Variants in APOL5 observed in about 807,000 individuals in gnomAD.
APOL5 encodes apolipoprotein L, 5.
Under a neutral mutation model 35.5 loss-of-function variants are expected in APOL5, and 29 were observed. The ratio of observed to expected loss-of-function variants is 0.82; its 90% CI spans 0.61 to 1.11. The LOEUF (loss-of-function observed/expected upper bound fraction) is 1.11. Among genes scored for constraint, APOL5 ranks in the 50% most tolerant of loss-of-function variants. The pLI, the probability that APOL5 is intolerant of heterozygous loss-of-function variation, is 0.00. For synonymous variants in APOL5, 188 were observed against 200.2 expected (o/e 0.94, Z 0.51); for missense variants, 514 against 530.4 (o/e 0.97, Z 0.30).
chr22:35,720,349 A>G (rs1926923067), intron 1 of APOL5, among the ~76,000 whole-genome samples: 1 of 152,230 alleles, frequency 6.6e-6, no homozygotes, highest in African/African-American at 2.4e-5. Context: ...GTTTTATTGC[A>G]TCCTAGTCAA....
At chr22:35,712,655 A>AT in the APOL5 span, among the ~76,000 whole-genome samples, 1 of 151,936 alleles carries the variant, frequency 6.6e-6, no homozygotes, top group African/African-American at 2.4e-5. Context: ...TTTGTTATTA[A>AT]TTTTTTTTGT....
chr22:35,717,235 A>AAAAAAAAAAATATATATATAT, upstream of APOL5, among the ~76,000 whole-genome samples: 2 of 57,662 alleles, frequency 3.5e-5, no homozygotes, highest in Non-Finnish European at 6.2e-5. Context: ...AAAAAAAAAA[A>AAAAAAAAAAATATATATATAT]ATATATATAT....
upstream of APOL5, among the ~76,000 whole-genome samples, chr22:35,715,799 A>T (rs1049876501): frequency 6.6e-6 from 1 of 152,220 alleles, no homozygotes; most frequent in African/African-American, 2.4e-5. Flanking sequence ...TCTGCCTTCA[A>T]GGTGAAGCTC....
At chr22:35,716,648 G>C (rs1401660260), upstream of APOL5, among the ~76,000 whole-genome samples, 1 of 152,114 alleles carries the variant, frequency 6.6e-6, no homozygotes, top group East Asian at 1.9e-4. Context: ...AAAGTATTTT[G>C]TCACCCTAGC....
chr22:35,717,754 G>GAAA (rs1435096149), upstream of APOL5: 37 of 346,370 alleles, frequency 1.1e-4, 2 homozygotes, highest in Admixed American at 4.0e-4. Context: ...AAAAAAAAAA[G>GAAA]AAAGAAAAGA....
At chr22:35,710,113 CTTTTTTTT>C in the APOL5 span, among the ~76,000 whole-genome samples, 10 of 86,712 alleles carry the variant, frequency 1.2e-4, no homozygotes, top group East Asian at 6.0e-4. Context: ...CTTTCTTTCT[CTTTTTTTT>C]TTTTTTTTTT....
chr22:35,728,688 G>A (rs779506754), intron 3 of APOL5, 35 bp from the exon 4 acceptor site: 3 of 1,594,814 alleles, frequency 1.9e-6, no homozygotes, highest in African/African-American at 2.7e-5. Flanking sequence ...TCTCTTTCTT[G>A]GAAGTTGTAA....
chr22:35,721,226 A>G (rs1452725093), intron 2 of APOL5, among the ~76,000 whole-genome samples: 5 of 152,232 alleles, frequency 3.3e-5, no homozygotes, highest in African/African-American at 9.6e-5. Flanking sequence ...CGCATAAAAA[A>G]TATCTTAGTA....
chr22:35,720,758 G>A, intron 2 of APOL5, 104 bp downstream of exon 2: 1 of 838,098 alleles, frequency 1.2e-6, no homozygotes, highest in Non-Finnish European at 1.9e-6. Context: ...GTTTTGTTTT[G>A]TTTTGAGACA....
chr22:35,713,152 C>T (rs907770957), upstream of APOL5, among the ~76,000 whole-genome samples: 8 of 152,246 alleles, frequency 5.3e-5, no homozygotes, highest in South Asian at 2.1e-4. Flanking sequence ...CAAAGCCCTG[C>T]TCATTCCCAT....
chr22:35,716,430 G>A (rs113900883), upstream of APOL5, among the ~76,000 whole-genome samples: 8,969 of 152,068 alleles, frequency 0.059, 955 homozygotes, highest in African/African-American at 0.21. Context: ...CCACCACCAC[G>A]CCTGGCTAAT....
intron 1 of APOL5, among the ~76,000 whole-genome samples, chr22:35,720,066 CG>C (rs1446955274): frequency 6.6e-6 from 1 of 152,190 alleles, no homozygotes; most frequent in East Asian, 1.9e-4. Flanking sequence ...GTGTTCCTCT[CG>C]ATGTCCAGCT....
chr22:35,722,446 G>C (rs1020420091), intron 2 of APOL5, among the ~76,000 whole-genome samples: 1 of 152,120 alleles, frequency 6.6e-6, no homozygotes, highest in Non-Finnish European at 1.5e-5. Context: ...GGGACTACAG[G>C]TGCCCGCCAC....
At chr22:35,717,250 A>ATATG (rs1410058834), upstream of APOL5, among the ~76,000 whole-genome samples, 2 of 134,276 alleles carry the variant, frequency 1.5e-5, no homozygotes, top group Non-Finnish European at 3.2e-5. Context: ...ATATATATAT[A>ATATG]TATATTAGCT....
chr22:35,722,043 A>C (rs1220020881), intron 2 of APOL5, among the ~76,000 whole-genome samples: 2 of 151,552 alleles, frequency 1.3e-5, no homozygotes. Context: ...TCTCTCTCCC[A>C]CCTCCACTGT....
chr22:35,721,036 G>A lies in APOL5; in HGVS notation c.142+382G>A, dbSNP rs191392031. ...GCTGGGATTAGAGGTGTGAGCCACC[G>A]TGCCCAGCTGTCAATAAGTATTTGA... is the stretch of plus-strand genomic sequence containing the variant. On this transcript the variant is annotated intron_variant, in intron 2 of 4. Transcript: ENST00000249044. Among the ~76,000 whole-genome samples the A allele has an allele frequency of 3.8e-3, 577 of 151,860 alleles. 2 individuals are homozygous for A. Among genetic ancestry groups the A allele is most frequent in the African/African-American group, 0.013 (557 of 41,440 alleles).
the APOL5 span, among the ~76,000 whole-genome samples, chr22:35,712,715 T>C: frequency 6.6e-6 from 1 of 152,220 alleles, no homozygotes; most frequent in Non-Finnish European, 1.5e-5. Context: ...CAGCTATTTA[T>C]GGAAAATTAA....
At chr22:35,727,288 T>G in intron 3 of APOL5, 94 bp downstream of exon 3, 6 of 1,497,126 alleles carry the variant, frequency 4.0e-6, no homozygotes, top group Non-Finnish European at 5.3e-6. Flanking sequence ...GACACATCAG[T>G]GCATAACTAC....
Position 35,726,781 on chromosome 22 carries a change from A to G in APOL5, c.713A>G (p.Gln238Arg). 1 of 1,614,246 alleles carries G rather than the reference A, an allele frequency of 6.2e-7. No individual in the cohort carries two copies. Among genetic ancestry groups the G allele is most frequent in the South Asian group, 1.1e-5 (1 of 91,088 alleles). The change falls in exon 3 of 5, where the codon CAG (glutamine) becomes CGG (arginine). Residue 238 changes from glutamine to arginine, a missense_variant. Physicochemically the swap from Gln to Arg is conservative, Grantham distance 43. This residue lies in a region of APOL5 where 22 missense variants were observed against 46.6 expected (regional missense o/e 0.47). Coordinates refer to ENST00000249044, the MANE Select transcript of APOL5 (RefSeq NM_030642.1). The part of the protein sequence containing the change: ...FCVNKCVKAI[Q>R]GIKDLHAYQM... The stretch of plus-strand genomic sequence containing the variant: ...GTTAATAAGTGTGTAAAAGCTATCC[A>G]GGGCATCAAGGATCTTCATGCCTAC...
Sources: gnomAD v4.1 joint callset for allele counts (sites outside exome capture counted in the v4.1 genomes callset) on GRCh38, gnomAD v4.1.1 for gene constraint, gnomAD v4.1.1 regional missense constraint, MANE v1.5 for transcripts, NCBI Gene and HGNC (gene_info 2026-07-23, HGNC 2026-07-21) for gene names.